Variants in FNDC3A observed in about 807,000 individuals in gnomAD.
FNDC3A encodes the protein fibronectin type-III domain-containing protein 3A.
FNDC3A carries 32 observed loss-of-function variants against 148.9 expected under a neutral mutation model. The observed-to-expected ratio is 0.21, with a 90% CI of 0.16 to 0.29. FNDC3A has a LOEUF of 0.29. Ranked by LOEUF, FNDC3A falls within the 10% of genes least tolerant of loss-of-function variation. The probability of loss-of-function intolerance (pLI) is 1.00; values close to 1 mark genes in which losing one functional copy is unlikely to be tolerated. For missense variants in FNDC3A, 1,191 were observed against 1,452.8 expected, an observed-to-expected ratio of 0.82 and a Z score of 2.93; for synonymous variants, 472 against 473.6, an observed-to-expected ratio of 1.00 and a Z score of 0.04.
intron 5 of FNDC3A, among the ~76,000 whole-genome samples, chr13:49,134,884 T>A (rs1325617809): frequency 7.9e-6 from 1 of 127,336 alleles, no homozygotes. Flanking sequence ...AGTCTCGCTC[T>A]GTCGCCCAGG....
At chr13:49,013,894 A>C (rs1317524400) in intron 2 of FNDC3A, among the ~76,000 whole-genome samples, 1 of 151,506 alleles carries the variant, frequency 6.6e-6, no homozygotes, top group Non-Finnish European at 1.5e-5. Context: ...GATGATTTCC[A>C]ATTTCATCCA....
At chr13:49,077,066 C>T (rs1014711137) in intron 3 of FNDC3A, among the ~76,000 whole-genome samples, 3 of 152,088 alleles carry the variant, frequency 2.0e-5, no homozygotes, top group African/African-American at 7.2e-5. Context: ...CCTCTTGAGG[C>T]CAGGAATACG....
At chr13:49,011,065 G>T (rs896840527) in intron 2 of FNDC3A, among the ~76,000 whole-genome samples, 2 of 151,648 alleles carry the variant, frequency 1.3e-5, no homozygotes, top group African/African-American at 4.8e-5. Flanking sequence ...GACCATCTTG[G>T]GGGTTTCTAG....
At chr13:49,141,145 G>A (rs966390432) in intron 7 of FNDC3A, among the ~76,000 whole-genome samples, 2 of 152,194 alleles carry the variant, frequency 1.3e-5, no homozygotes, top group Non-Finnish European at 2.9e-5. Flanking sequence ...AGTGACCCAT[G>A]ACAAGTCACT....
chr13:48,981,032 T>G (rs1951685715), intron 1 of FNDC3A, among the ~76,000 whole-genome samples: 1 of 152,190 alleles, frequency 6.6e-6, no homozygotes, highest in African/African-American at 2.4e-5. Context: ...TTTTTCATAC[T>G]TAGTACATAC....
chr13:49,092,833 G>T (rs1156756094), intron 3 of FNDC3A, among the ~76,000 whole-genome samples: 2 of 150,324 alleles, frequency 1.3e-5, no homozygotes, highest in African/African-American at 4.9e-5. Context: ...AATCTGGCAT[G>T]TTGTTTATTG....
Position 49,131,281 on chromosome 13 carries a change from C to A in FNDC3A, c.397C>A (p.Pro133Thr), listed in dbSNP as rs1389948624. Reference protein sequence around the residue: ...IPVPTMMPPPPRHMYSPVTGA... With the variant: ...IPVPTMMPPPTRHMYSPVTGA... ...TGTCCCAACTATGATGCCGCCTCCACCACGTCATATGTACTCACCCGTGAC... is the reference window on the plus strand; with the variant it reads ...TGTCCCAACTATGATGCCGCCTCCAACACGTCATATGTACTCACCCGTGAC... Residue 133 changes from proline to threonine, a missense_variant, in exon 5 of 26, where the codon CCA becomes ACA. Physicochemically the swap from Pro to Thr is conservative, Grantham distance 38 (BLOSUM62 -1). Around this residue, in one of 3 missense-constraint regions of FNDC3A, gnomAD observed 426 missense variants for 473.2 expected, o/e 0.90. Coordinates refer to ENST00000492622, the MANE Select transcript of FNDC3A (RefSeq NM_001079673.2). The A allele has an allele frequency of 6.2e-7, 1 of 1,614,070 alleles. No homozygotes were observed. Among genetic ancestry groups the A allele is most frequent in the South Asian group, 1.1e-5 (1 of 91,070 alleles).
intron 1 of FNDC3A, among the ~76,000 whole-genome samples, chr13:48,994,320 A>G (rs974126284): frequency 1.3e-5 from 2 of 152,252 alleles, no homozygotes; most frequent in Admixed American, 1.3e-4. Context: ...TGCACATCTG[A>G]TACAAATCCT....
At chr13:49,123,655 A>C (rs933486171) in intron 4 of FNDC3A, among the ~76,000 whole-genome samples, 37 of 152,082 alleles carry the variant, frequency 2.4e-4, no homozygotes, top group Non-Finnish European at 1.3e-4. Flanking sequence ...AATTTACAAA[A>C]AAAAAAACCA....
intron 2 of FNDC3A, among the ~76,000 whole-genome samples, chr13:49,020,904 TC>T (rs1263483907): frequency 2.6e-5 from 4 of 152,212 alleles, no homozygotes; most frequent in Non-Finnish European, 5.9e-5. Flanking sequence ...TAATCATTTA[TC>T]ATGGTCTTAA....
At chr13:49,036,906 TAGTA>T (rs948018818) in intron 2 of FNDC3A, among the ~76,000 whole-genome samples, 5 of 152,082 alleles carry the variant, frequency 3.3e-5, no homozygotes, top group Non-Finnish European at 7.4e-5. Flanking sequence ...TGCCAAAGAA[TAGTA>T]AGTAAGTCAC....
chr13:48,981,200 A>G (rs1355477852), intron 1 of FNDC3A, among the ~76,000 whole-genome samples: 1 of 152,114 alleles, frequency 6.6e-6, no homozygotes, highest in African/African-American at 2.4e-5. Context: ...TCACCATGCC[A>G]GCTGTTTCCA....
Position 49,202,061 on chromosome 13 carries a change from T to C in FNDC3A, c.3154+95T>C, listed in dbSNP as rs372907129. 6 of 771,608 alleles carry C rather than the reference T, an allele frequency of 7.8e-6. No individual in the cohort carries two copies. The East Asian group carries it at 1.3e-4, about 16-fold the overall frequency. 47.8% of individuals were successfully genotyped at this position (771,608 alleles called of 1,614,324 possible). A position where few individuals can be genotyped will look rare whatever the true frequency, so the allele number is the denominator to read the frequency against. On this transcript the variant is annotated intron_variant, in intron 24 of 25. Coordinates refer to ENST00000492622, the MANE Select transcript of FNDC3A (RefSeq NM_001079673.2). ...TGTTTACTGATATTAAAATTTAGCA[T>C]CCAGTATATGTCCACCAGTTATACA...
At chr13:49,059,098 A>G (rs1171377058) in intron 2 of FNDC3A, among the ~76,000 whole-genome samples, 4 of 152,228 alleles carry the variant, frequency 2.6e-5, no homozygotes, top group African/African-American at 4.8e-5. Context: ...AAGTACCTGT[A>G]GATGATTCCA....
chr13:49,140,906 A>G (rs1458595007), intron 7 of FNDC3A, among the ~76,000 whole-genome samples: 1 of 152,196 alleles, frequency 6.6e-6, no homozygotes, highest in Non-Finnish European at 1.5e-5. Flanking sequence ...TATTGTACTG[A>G]CATTTGAAGG....
chr13:49,052,266 A>G (rs1875894312), intron 2 of FNDC3A, among the ~76,000 whole-genome samples: 2 of 152,134 alleles, frequency 1.3e-5, no homozygotes, highest in African/African-American at 2.4e-5. Flanking sequence ...TTGTTTTGTC[A>G]TGTTACCAGA....
chr13:49,098,909 C>G (rs543087970), intron 3 of FNDC3A, among the ~76,000 whole-genome samples: 1 of 152,218 alleles, frequency 6.6e-6, no homozygotes, highest in Non-Finnish European at 1.5e-5. Flanking sequence ...GATCTTTTCT[C>G]TTTCTCCTGT....
chr13:49,187,182 G>C lies in FNDC3A; in HGVS notation c.1817G>C (p.Gly606Ala), dbSNP rs1232531174. The C allele has an allele frequency of 6.2e-7, 1 of 1,605,194 alleles. No homozygotes were observed. The highest frequency in any genetic ancestry group is 2.2e-5 in the East Asian group (1 of 44,804). ...AAATATGTAGTGGAGATGGCAGAAG[G>C]TTCTAACGGTATGAATGGATATTAA... ...INKYVVEMAE[G>A]SNGNKWEMIY... is the part of the protein sequence containing the mutation. Residue 606 changes from glycine (G) to alanine (A), a missense_variant, in exon 16 of 26, where the codon GGT (glycine) becomes GCT (alanine). This residue lies in a region of FNDC3A where 751 missense variants were observed against 944.0 expected (regional missense o/e 0.80). Transcript: ENST00000492622.
intron 1 of FNDC3A, among the ~76,000 whole-genome samples, chr13:48,995,115 A>T (rs1457295058): frequency 6.6e-6 from 1 of 152,172 alleles, no homozygotes; most frequent in Non-Finnish European, 1.5e-5. Flanking sequence ...TAAGGTCTCT[A>T]TGTTGCCCAG....
Sources: allele counts gnomAD v4.1 joint callset (sites outside exome capture counted in the v4.1 genomes callset), GRCh38; gene constraint gnomAD v4.1.1; regional missense constraint gnomAD v4.1.1; transcripts MANE v1.5; gene names NCBI Gene and HGNC (gene_info 2026-07-23, HGNC 2026-07-21).